Variants in MAP2 observed in about 807,000 individuals in gnomAD.
MAP2 encodes the protein microtubule-associated protein 2.
MAP2 carries 14 observed loss-of-function variants against 137.6 expected under a neutral mutation model. The ratio of observed to expected loss-of-function variants is 0.10; its 90% CI spans 0.07 to 0.16. The LOEUF is 0.16. MAP2 is among the 10% of genes least tolerant of loss of function. MAP2 has a pLI of 1.00. For missense variants in MAP2, 2,088 were observed against 2,191.5 expected, an observed-to-expected ratio of 0.95 and a Z score of 0.94; for synonymous variants, 786 against 782.3, an observed-to-expected ratio of 1.00 and a Z score of -0.08.
chr2:209,575,569 G>A (rs954626925), intron 2 of MAP2, among the ~76,000 whole-genome samples: 2 of 147,120 alleles, frequency 1.4e-5, no homozygotes, highest in Non-Finnish European at 3.0e-5. Flanking sequence ...GCAAGGAGTC[G>A]CTTACAAATA....
chr2:209,503,027 G>A (rs2060588122), intron 1 of MAP2, among the ~76,000 whole-genome samples: 1 of 145,158 alleles, frequency 6.9e-6, no homozygotes, highest in Admixed American at 6.9e-5. Flanking sequence ...CTGAGACAGG[G>A]TCTCATTCTG....
At position 209,692,964 on chromosome 2, in the gene MAP2, G is replaced by T; in HGVS notation, c.794G>T (p.Trp265Leu). Residue 265 changes from tryptophan (W) to leucine (L), a missense_variant, in exon 8 of 16, where the codon TGG becomes TTG. By Grantham distance (61) the Trp-to-Leu change is moderately conservative. Coordinates refer to ENST00000682079, the MANE Select transcript of MAP2 (RefSeq NM_001375505.1). The stretch of plus-strand genomic sequence containing the variant: ...CCAACTCCAAAAGAACAAAAGGACT[G>T]GTTCATCGAAATGCCAACGGAAGCA... ...EPPTPKEQKD[W>L]FIEMPTEAKK... 6.2e-7 allele frequency: 1 copy of T among 1,614,016 alleles called. No homozygotes were observed. The highest frequency in any genetic ancestry group is 8.5e-7 in the Non-Finnish European group (1 of 1,179,970).
chr2:209,550,228 C>G (rs1475558126), intron 2 of MAP2, among the ~76,000 whole-genome samples: 1 of 152,130 alleles, frequency 6.6e-6, no homozygotes, highest in Non-Finnish European at 1.5e-5. Flanking sequence ...GGCCTCTCCT[C>G]TGGGACCATC....
At chr2:209,672,596 T>C (rs1484488471) in intron 5 of MAP2, among the ~76,000 whole-genome samples, 1 of 151,886 alleles carries the variant, frequency 6.6e-6, no homozygotes, top group Non-Finnish European at 1.5e-5. Flanking sequence ...TGGAATTTGA[T>C]CCCAGGTTTT....
chr2:209,709,824 A>G (rs888493294), intron 12 of MAP2, 90 bp from the exon 13 acceptor site: 1 of 898,510 alleles, frequency 1.1e-6, no homozygotes, highest in South Asian at 1.6e-5. Context: ...AATTAAACGT[A>G]TTATGACTTC....
intron 13 of MAP2, among the ~76,000 whole-genome samples, chr2:209,724,114 G>A (rs2284360): frequency 3.3e-5 from 5 of 152,106 alleles, no homozygotes; most frequent in Non-Finnish European, 5.9e-5. Context: ...AATGCCCAAA[G>A]TATGTAATGT....
chr2:209,566,944 C>T (rs571393260), intron 2 of MAP2, among the ~76,000 whole-genome samples: 6 of 152,238 alleles, frequency 3.9e-5, no homozygotes, highest in Admixed American at 1.3e-4. Context: ...GAAGCATCCC[C>T]GTGCCACTAG....
At chr2:209,723,714 T>C in intron 13 of MAP2, 1 of 1,540,488 alleles carries the variant, frequency 6.5e-7, no homozygotes, top group South Asian at 1.1e-5. Flanking sequence ...TTTAGAAAGC[T>C]GTCCTGATTG....
Position 209,439,184 on chromosome 2 carries a change from TA to T in MAP2, c.-222+14909del, listed in dbSNP as rs371736779. On this transcript the variant is annotated intron_variant, in intron 1 of 15. Coordinates refer to ENST00000682079, the MANE Select transcript of MAP2 (RefSeq NM_001375505.1). ...GGGGTATCATATGGTGATTGCTTTG[TA>T]TAACTCCAGTTTGACTGAGTGCTGT... Among the ~76,000 whole-genome samples the T allele has an allele frequency of 2.6e-3, 389 of 151,658 alleles. 1 individual carries two copies. The highest frequency in any genetic ancestry group is 8.9e-3 in the African/African-American group (369 of 41,502).
chr2:209,561,901 T>G (rs938445358), intron 2 of MAP2, among the ~76,000 whole-genome samples: 3 of 152,184 alleles, frequency 2.0e-5, no homozygotes, highest in African/African-American at 7.2e-5. Context: ...CAGGGACTCT[T>G]GTAGTTGTGA....
intron 1 of MAP2, among the ~76,000 whole-genome samples, chr2:209,444,792 T>G (rs1430414157): frequency 2.0e-5 from 3 of 151,562 alleles, no homozygotes. Context: ...GAAAGACACT[T>G]GGTTTCTTGA....
rs981288632 is a variant in MAP2 at position 209,709,061 on chromosome 2, A to G, written c.4733-853A>G. Among the ~76,000 whole-genome samples the G allele has an allele frequency of 2.6e-5, 4 of 152,278 alleles. No homozygotes were observed. The South Asian group carries it at 6.2e-4, about 24-fold the overall frequency. ...AGATGAAAGAAACATAGTATAGGAA[A>G]GTGGGGGGTGGGAATAATAATAATA... On this transcript the variant is annotated intron_variant, in intron 12 of 15. Transcript: ENST00000682079.
Position 209,731,178 on chromosome 2 carries a change from T to C in MAP2, c.*781T>C, listed in dbSNP as rs1345416131. ...TGATACAGTATTATAGATATAAATA[T>C]ATATATATTTCTCTGTGGCCATTTG... On this transcript the variant is annotated 3_prime_UTR_variant, in exon 16 of 16. Transcript: ENST00000682079. 3 of 152,302 alleles carry C rather than the reference T, an allele frequency of 2.0e-5. No homozygotes were observed. Among genetic ancestry groups the C allele is most frequent in the Non-Finnish European group, 2.9e-5 (2 of 68,004 alleles). The allele number at this position is 152,302 out of a possible 1,614,324, so 9.4% of individuals were successfully genotyped here. A position where few individuals can be genotyped will look rare whatever the true frequency, so the allele number is the denominator to read the frequency against.
intron 1 of MAP2, among the ~76,000 whole-genome samples, chr2:209,434,083 T>TTCA (rs1296327923): frequency 2.6e-5 from 4 of 152,066 alleles, no homozygotes; most frequent in African/African-American, 9.7e-5. Context: ...CGGATCCAGT[T>TTCA]TCATGATAAT....
intron 4 of MAP2, among the ~76,000 whole-genome samples, chr2:209,645,504 A>G (rs1045844686): frequency 6.6e-6 from 1 of 152,180 alleles, no homozygotes; most frequent in Non-Finnish European, 1.5e-5. Context: ...TTTTTCTGCT[A>G]CAGTCTGTTA....
chr2:209,556,035 T>TC (rs1465730844), intron 2 of MAP2, among the ~76,000 whole-genome samples: 1 of 146,496 alleles, frequency 6.8e-6, no homozygotes, highest in Non-Finnish European at 1.5e-5. Context: ...TTTTTTTTTT[T>TC]TCTTTTCTTT....
chr2:209,675,627 C>T (rs1209539204), intron 5 of MAP2, among the ~76,000 whole-genome samples: 2 of 151,884 alleles, frequency 1.3e-5, no homozygotes, highest in East Asian at 1.9e-4. Context: ...TCCACCTCTC[C>T]TTTTTTATTA....
intron 2 of MAP2, among the ~76,000 whole-genome samples, chr2:209,513,143 G>A (rs776698286): frequency 5.9e-5 from 9 of 152,128 alleles, no homozygotes. Flanking sequence ...AGAGGCGGAT[G>A]TTCTTAATGT....
chr2:209,457,496 G>A (rs765144809), intron 1 of MAP2, among the ~76,000 whole-genome samples: 9 of 152,164 alleles, frequency 5.9e-5, no homozygotes, highest in African/African-American at 2.2e-4. Flanking sequence ...TAGATTTTTT[G>A]TGTGAATGGG....
Sources: gnomAD v4.1 joint callset for allele counts (sites outside exome capture counted in the v4.1 genomes callset) on GRCh38, gnomAD v4.1.1 for gene constraint, MANE v1.5 for transcripts, NCBI Gene and HGNC (gene_info 2026-07-23, HGNC 2026-07-21) for gene names.